The following PDILT variants were observed in gnomAD, a reference collection of about 807,000 sequenced individuals.
PDILT encodes the protein protein disulfide isomerase like, testis expressed.
In PDILT, 43 loss-of-function variants were observed where a neutral mutation model predicts 53.7. The observed-to-expected ratio is 0.80, with a 90% CI of 0.63 to 1.03. The LOEUF is 1.03. Ranked by LOEUF, PDILT falls within the 50% of genes least tolerant of loss-of-function variation. The pLI, the probability that PDILT is intolerant of heterozygous loss-of-function variation, is 0.00. For synonymous variants in PDILT, 282 were observed against 274.2 expected, an observed-to-expected ratio of 1.03 and a Z score of -0.28; for missense variants, 727 against 712.3, an observed-to-expected ratio of 1.02 and a Z score of -0.24.
chr16:20,402,615 G>A (rs1966758313), intron 1 of PDILT, among the ~76,000 whole-genome samples: 1 of 152,218 alleles, frequency 6.6e-6, no homozygotes, highest in Non-Finnish European at 1.5e-5. Context: ...TTAAAATAGG[G>A]TGACCGTGGG....
At position 20,367,082 on chromosome 16, in the gene PDILT, TCTTTCTTTCTTTCTTTCTTTCTTC is replaced by T. The variant is rs1219307628; in HGVS notation, c.1117-1566_1117-1543del. Among the ~76,000 whole-genome samples the T allele has an allele frequency of 7.0e-4, 75 of 106,482 alleles. 2 individuals are homozygous for T. The highest frequency in any genetic ancestry group is 2.8e-3 in the African/African-American group (69 of 24,884). 69.9% of individuals were successfully genotyped at this position (106,482 alleles called of 152,430 possible). A position where few individuals can be genotyped will look rare whatever the true frequency, so the allele number is the denominator to read the frequency against. ...TTCTTTCTTTCTTTCTTTCTTTCTT[TCTTTCTTTCTTTCTTTCTTTCTTC>T]CTTTCTTTCCTTTTGAGACAGAGTC... On this transcript the variant is annotated intron_variant, in intron 8 of 11. Transcript: ENST00000302451.
chr16:20,399,409 T>C, intron 1 of PDILT, 102 bp from the exon 2 acceptor site: 1 of 1,285,258 alleles, frequency 7.8e-7, no homozygotes, highest in Non-Finnish European at 1.1e-6. Context: ...GTAGGGTGAA[T>C]GTGGCCTGAG....
At chr16:20,366,484 G>A (rs756071264) in intron 8 of PDILT, among the ~76,000 whole-genome samples, 1 of 151,898 alleles carries the variant, frequency 6.6e-6, no homozygotes, top group Non-Finnish European at 1.5e-5. Flanking sequence ...ACTTATTCAC[G>A]TTTACTATTT....
chr16:20,372,948 T>C, intron 6 of PDILT, 21 bp from the exon 7 acceptor site: 9 of 1,613,938 alleles, frequency 5.6e-6, no homozygotes, highest in Non-Finnish European at 6.8e-6. Context: ...CAGGAAAATA[T>C]GTCATCCCAA....
intron 2 of PDILT, chr16:20,385,871 A>G (rs1197827213): frequency 6.6e-6 from 1 of 152,246 alleles, no homozygotes; most frequent in Non-Finnish European, 1.5e-5. Flanking sequence ...TTTGTTTTAA[A>G]AAAATTCTGT....
chr16:20,366,970 TCC>T (rs879608480), intron 8 of PDILT, among the ~76,000 whole-genome samples: 16,942 of 85,928 alleles, frequency 0.2, 1,832 homozygotes, highest in Non-Finnish European at 0.24. Context: ...CTTCCTTCCT[TCC>T]TTCCTTCCTT....
chr16:20,382,078 T>C (rs1214093414), intron 3 of PDILT, among the ~76,000 whole-genome samples: 1 of 152,072 alleles, frequency 6.6e-6, no homozygotes, highest in East Asian at 1.9e-4. Flanking sequence ...TTTAAGGTTT[T>C]TGTAGAGACA....
At chr16:20,361,834 C>T (rs539312556) in intron 10 of PDILT, among the ~76,000 whole-genome samples, 4 of 152,136 alleles carry the variant, frequency 2.6e-5, no homozygotes, top group African/African-American at 9.7e-5. Context: ...GCTCTTCCTC[C>T]CCCTTGATTT....
chr16:20,376,722 C>T (rs1225863036), intron 3 of PDILT, among the ~76,000 whole-genome samples: 1 of 152,216 alleles, frequency 6.6e-6, no homozygotes. Context: ...CATTCCTCAG[C>T]TGAGATCCAA....
intron 5 of PDILT, among the ~76,000 whole-genome samples, chr16:20,373,981 G>T (rs1966346184): frequency 6.6e-6 from 1 of 152,062 alleles, no homozygotes; most frequent in Non-Finnish European, 1.5e-5. Context: ...ACAGGGTCTT[G>T]TTCTGTTGCC....
chr16:20,377,173 G>A lies in PDILT; in HGVS notation c.410-972C>T, dbSNP rs191606960. Among the ~76,000 whole-genome samples the A allele has an allele frequency of 2.6e-3, 402 of 152,090 alleles. 5 individuals carry two copies. Among genetic ancestry groups the A allele is most frequent in the African/African-American group, 9.2e-3 (383 of 41,486 alleles). ...CATGGTGGCATGTGTCTGTAGTCCC[G>A]GCTACTTGGGAGGCTGAGGCAGAAG... On this transcript the variant is annotated intron_variant, in intron 3 of 11. Coordinates refer to ENST00000302451, the MANE Select transcript of PDILT (RefSeq NM_174924.2).
chr16:20,380,828 T>C (rs960741038), intron 3 of PDILT, among the ~76,000 whole-genome samples: 1 of 152,180 alleles, frequency 6.6e-6, no homozygotes, highest in African/African-American at 2.4e-5. Flanking sequence ...GGAAACTTGA[T>C]CTTGGGCCAT....
At chr16:20,362,210 G>A (rs1966114281) in intron 10 of PDILT, among the ~76,000 whole-genome samples, 194 bp downstream of exon 10, 1 of 152,220 alleles carries the variant, frequency 6.6e-6, no homozygotes, top group South Asian at 2.1e-4. Context: ...TACACCCAAT[G>A]ATAGTGAGTC....
chr16:20,387,630 C>CT (rs896235991), intron 2 of PDILT, among the ~76,000 whole-genome samples: 33 of 147,724 alleles, frequency 2.2e-4, no homozygotes, highest in African/African-American at 4.0e-4. Context: ...TTTCTTTTTT[C>CT]TTTTTTTTTT....
At chr16:20,397,945 G>T (rs1443132517) in intron 2 of PDILT, among the ~76,000 whole-genome samples, 1 of 152,144 alleles carries the variant, frequency 6.6e-6, no homozygotes, top group Non-Finnish European at 1.5e-5. Flanking sequence ...CACACCTGCG[G>T]TCTAATTCTC....
At chr16:20,364,966 G>A (rs867472596) in intron 9 of PDILT, among the ~76,000 whole-genome samples, 14 of 152,112 alleles carry the variant, frequency 9.2e-5, no homozygotes, top group South Asian at 4.2e-4. Flanking sequence ...TCCCAGTTCC[G>A]GCACTTACTG....
chr16:20,366,090 CAAAAAAAAA>C (rs34816350), intron 8 of PDILT, among the ~76,000 whole-genome samples: 1 of 72,292 alleles, frequency 1.4e-5, no homozygotes, highest in Non-Finnish European at 3.1e-5. Flanking sequence ...ATTTCGTCTC[CAAAAAAAAA>C]AAAAAAAAAA....
chr16:20,367,986 C>G (rs1241862557), intron 8 of PDILT, among the ~76,000 whole-genome samples: 1 of 152,072 alleles, frequency 6.6e-6, no homozygotes, highest in South Asian at 2.1e-4. Context: ...AGGGAATCAT[C>G]ATCAGAGCAA....
At chr16:20,385,120 C>A (rs1390295844) in intron 2 of PDILT, among the ~76,000 whole-genome samples, 1 of 152,234 alleles carries the variant, frequency 6.6e-6, no homozygotes, top group African/African-American at 2.4e-5. Flanking sequence ...AGCTCCACTT[C>A]TCTTGTGTAA....
Sources: allele counts gnomAD v4.1 joint callset (sites outside exome capture counted in the v4.1 genomes callset), GRCh38; gene constraint gnomAD v4.1.1; transcripts MANE v1.5; gene names NCBI Gene and HGNC (gene_info 2026-07-23, HGNC 2026-07-21).